LRRC9: variants seen among roughly 807,000 people sequenced by gnomAD.
The protein encoded by LRRC9 is leucine rich repeat containing 9, also known as leucine-rich repeat-containing protein 9.
In LRRC9, 122 loss-of-function variants were observed where a neutral mutation model predicts 63.2. The observed-to-expected ratio is 1.93, with a 90% confidence interval of 1.67 to 2.24. LRRC9 has a LOEUF of 2.24. Among genes scored for constraint, LRRC9 ranks in the 30% most tolerant of loss-of-function variants. The pLI, the probability that LRRC9 is intolerant of heterozygous loss-of-function variation, is 0.00. For synonymous variants in LRRC9, 366 were observed against 213.1 expected (o/e 1.72, Z -6.25); for missense variants, 1,071 against 627.7 (o/e 1.71, Z -7.55).
chr14:59,970,955 T>G (rs921916335), intron 12 of LRRC9, among the ~76,000 whole-genome samples: 2 of 152,202 alleles, frequency 1.3e-5, no homozygotes, highest in Non-Finnish European at 2.9e-5. Context: ...TTTTTGCTTT[T>G]GTTGCAATTG....
chr14:60,011,945 T>A (rs1890292995), intron 23 of LRRC9, among the ~76,000 whole-genome samples: 1 of 152,226 alleles, frequency 6.6e-6, no homozygotes, highest in African/African-American at 2.4e-5. Flanking sequence ...TATGAAAATT[T>A]ACTTTACATA....
At chr14:59,929,009 C>T (rs926575057) in intron 3 of LRRC9, among the ~76,000 whole-genome samples, 1 of 151,940 alleles carries the variant, frequency 6.6e-6, no homozygotes, top group Non-Finnish European at 1.5e-5. Flanking sequence ...GACATAAGAA[C>T]AGGCAAAGAT....
rs1296896206 is a variant in LRRC9, at chr14:59,975,155, ATATATATATG to A, written c.1639+457_1639+466del. 5.4e-4 allele frequency among the ~76,000 whole-genome samples: 15 copies of A among 27,614 alleles called. 4 individuals carry two copies. Among genetic ancestry groups the A allele is most frequent in the Admixed American group, 4.8e-3 (9 of 1,890 alleles). The allele number at this position is 27,614 out of a possible 152,430, so 18.1% of individuals were successfully genotyped here. A position where few individuals can be genotyped will look rare whatever the true frequency, so the allele number is the denominator to read the frequency against. ...TATATATATACATATATATATGTAT[ATATATATATG>A]TATATATATATACACTACACACACG... On this transcript the variant is annotated intron_variant, in intron 13 of 31. Coordinates refer to ENST00000445360, the Ensembl canonical transcript of LRRC9.
intron 8 of LRRC9, among the ~76,000 whole-genome samples, chr14:59,959,027 A>G (rs186187144): frequency 6.6e-6 from 1 of 152,306 alleles, no homozygotes; most frequent in East Asian, 1.9e-4. Context: ...TCTCACTGGA[A>G]GCTTAAGACC....
chr14:60,022,025 G>A (rs1303310664), intron 26 of LRRC9, among the ~76,000 whole-genome samples: 1 of 151,730 alleles, frequency 6.6e-6, no homozygotes, highest in African/African-American at 2.4e-5. Flanking sequence ...GAGTGGGGGG[G>A]ATGTCTTCTG....
chr14:60,058,154 GTTT>G lies in LRRC9; in HGVS notation c.4276+133_4276+135del. ...TTCCTAAAATTGCATGTTTGCTCAAGTTTCCTATGGCCATTTTGATTTCAGAGA... is the reference window on the plus strand; with the variant it reads ...TTCCTAAAATTGCATGTTTGCTCAAGCCTATGGCCATTTTGATTTCAGAGA... On this transcript the variant is annotated intron_variant, in intron 31 of 31. Transcript: ENST00000445360. The surrounding 1 kb of genome is among the most constrained non-coding windows in gnomAD (Gnocchi z 4.4). 1 of 457,064 alleles carries G rather than the reference GTTT, an allele frequency of 2.2e-6. No individual in the cohort carries two copies. The highest frequency in any genetic ancestry group is 3.9e-6 in the Non-Finnish European group (1 of 253,510). The allele number at this position is 457,064 out of a possible 1,614,324, so 28.3% of individuals were successfully genotyped here.
intron 22 of LRRC9, among the ~76,000 whole-genome samples, chr14:60,007,179 G>A (rs1429561983): frequency 1.3e-5 from 2 of 151,990 alleles, no homozygotes; most frequent in Admixed American, 6.6e-5. Context: ...AATATTACTA[G>A]GACTTTATCT....
At chr14:59,961,578 G>A (rs1019010975) in intron 10 of LRRC9, among the ~76,000 whole-genome samples, 1 of 152,032 alleles carries the variant, frequency 6.6e-6, no homozygotes, top group South Asian at 2.1e-4. Context: ...GGGTGCACAC[G>A]AACACTACAT....
rs766574435 is a variant in LRRC9 at position 59,932,558 on chromosome 14, AT to A, written c.543+520del. ...CCTGCAGTCTTCCTCACCTCTCTAA[AT>A]GGAGTCTCCATTCTTGCAGTAACTT... On this transcript the variant is annotated intron_variant, in intron 6 of 31. Transcript: ENST00000445360. The surrounding 1 kb of genome is among the most constrained non-coding windows in gnomAD (Gnocchi z 4.7). 4.6e-5 allele frequency among the ~76,000 whole-genome samples: 7 copies of A among 152,146 alleles called. No homozygotes were observed. The highest frequency in any genetic ancestry group is 8.8e-5 in the Non-Finnish European group (6 of 67,974).
At chr14:60,057,842 A>G in intron 30 of LRRC9, 36 bp from the exon 31 acceptor site, 1 of 606,036 alleles carries the variant, frequency 1.7e-6, no homozygotes, top group Non-Finnish European at 3.1e-6. Context: ...AGTTTTGGAG[A>G]TGAGATGTTA....
intron 8 of LRRC9, among the ~76,000 whole-genome samples, chr14:59,954,520 G>A (rs1485989555): frequency 6.6e-6 from 1 of 152,182 alleles, no homozygotes; most frequent in Non-Finnish European, 1.5e-5. Context: ...TATATCCTGA[G>A]ACTTTGCTGA....
chr14:60,057,211 C>T (rs1028610553), intron 30 of LRRC9, among the ~76,000 whole-genome samples: 2 of 152,138 alleles, frequency 1.3e-5, no homozygotes, highest in African/African-American at 2.4e-5. Context: ...TTAACAACAG[C>T]AGAGAAGGCA....
intron 29 of LRRC9, among the ~76,000 whole-genome samples, chr14:60,039,780 CTTAGT>C (rs1284809499): frequency 6.6e-6 from 1 of 151,926 alleles, no homozygotes; most frequent in Non-Finnish European, 1.5e-5. Flanking sequence ...CTGCTCTTAT[CTTAGT>C]TATTTCTTGC....
chr14:59,948,369 A>G (rs943364834), intron 8 of LRRC9, among the ~76,000 whole-genome samples: 2 of 143,238 alleles, frequency 1.4e-5, no homozygotes, highest in African/African-American at 5.4e-5. Flanking sequence ...GTATCCTGAG[A>G]CTTTGCTGAA....
In LRRC9 at chr14:59,932,182, T is replaced by C. The variant is rs1012688446; in HGVS notation, c.543+143T>C. 8 of 573,438 alleles carry C rather than the reference T, an allele frequency of 1.4e-5. No individual in the cohort carries two copies. The highest frequency in any genetic ancestry group is 2.4e-5 in the Non-Finnish European group (8 of 326,996). 35.5% of individuals were successfully genotyped at this position (573,438 alleles called of 1,614,324 possible). A position where few individuals can be genotyped will look rare whatever the true frequency, so the allele number is the denominator to read the frequency against. The stretch of plus-strand genomic sequence containing the variant: ...TGCTCCAGGAAATTTGAAAGTCATC[T>C]GACTACATTGGCCTTAATGATCTGA... On this transcript the variant is annotated intron_variant, in intron 6 of 31. Transcript: ENST00000445360. The surrounding 1 kb of genome is among the most constrained non-coding windows in gnomAD (Gnocchi z 4.7).
chr14:59,977,330 C>T, exon 14 of LRRC9: 1 of 688,956 alleles, frequency 1.5e-6, no homozygotes, highest in Non-Finnish European at 2.6e-6. Flanking sequence ...GTGTTCATTC[C>T]TCGGAAATAT....
At chr14:59,984,031 T>C (rs560946660) in intron 16 of LRRC9, among the ~76,000 whole-genome samples, 1 of 152,340 alleles carries the variant, frequency 6.6e-6, no homozygotes, top group South Asian at 2.1e-4. Context: ...CGGTGTGGCC[T>C]GTTTGAGAAA....
chr14:60,047,472 G>A (rs546510831), intron 29 of LRRC9, among the ~76,000 whole-genome samples: 21 of 152,074 alleles, frequency 1.4e-4, no homozygotes, highest in African/African-American at 4.8e-4. Flanking sequence ...TTACCAAGCA[G>A]ATGAAAAACA....
rs1461051577 is a variant in LRRC9 at position 60,017,847 on chromosome 14, C to T, written c.3318-524C>T. Among the ~76,000 whole-genome samples, 1 of 152,084 alleles carries T rather than the reference C, an allele frequency of 6.6e-6. No individual in the cohort carries two copies. Among genetic ancestry groups the T allele is most frequent in the Non-Finnish European group, 1.5e-5 (1 of 67,988 alleles). ...CATTCTGTTTAATTACCAAAATGTT[C>T]ACACAGGGTGGAATGCCATAAAAGT... On this transcript the variant is annotated intron_variant, in intron 24 of 31. Coordinates refer to ENST00000445360, the Ensembl canonical transcript of LRRC9. The surrounding 1 kb of genome is among the most constrained non-coding windows in gnomAD (Gnocchi z 4.0).
Sources: gnomAD v4.1 joint callset for allele counts (sites outside exome capture counted in the v4.1 genomes callset) on GRCh38, gnomAD v4.1.1 for gene constraint, Gnocchi (gnomAD v3.1) non-coding constraint, MANE v1.5 for transcripts, NCBI Gene and HGNC (gene_info 2026-07-23, HGNC 2026-07-21) for gene names.